YME1L1: variants seen among roughly 807,000 people sequenced by gnomAD.
YME1L1 encodes the protein YME1 like 1 ATPase, also known as ATP-dependent zinc metalloprotease YME1L1.
Under a neutral mutation model 90.4 loss-of-function variants are expected in YME1L1, and 39 were observed. That is an observed-to-expected ratio of 0.43 (90% CI 0.33 to 0.56). YME1L1 has a LOEUF of 0.56. Ranked by LOEUF, YME1L1 falls within the 20% of genes least tolerant of loss-of-function variation. The pLI is 0.03. For synonymous variants in YME1L1, 284 were observed against 287.3 expected (o/e 0.99, Z 0.12); for missense variants, 617 against 868.4 (o/e 0.71, Z 3.64).
chr10:27,118,950 T>C (rs901728541), intron 14 of YME1L1, among the ~76,000 whole-genome samples: 6 of 152,176 alleles, frequency 3.9e-5, no homozygotes, highest in Non-Finnish European at 7.3e-5. Context: ...CAAGTATATA[T>C]TTTCATGTTC....
rs758722386 is a variant in YME1L1 at position 27,121,455 on chromosome 10, T to G, written c.1236-7A>C. The G allele has an allele frequency of 3.6e-5, 57 of 1,577,514 alleles. No individual in the cohort carries two copies. The highest frequency in any genetic ancestry group is 4.8e-5 in the Non-Finnish European group (55 of 1,147,746). On this transcript the variant is annotated splice_region_variant and splice_polypyrimidine_tract_variant and intron_variant, in intron 11 of 18. Transcript: ENST00000376016. ...TCCTTCATTGGGTTTAAAACTATAT[T>G]GGAAAAAAAATAGTATCTTTTACTA...
At chr10:27,134,717 T>C (rs549015922) in intron 6 of YME1L1, 114 bp downstream of exon 6, 3 of 1,048,596 alleles carry the variant, frequency 2.9e-6, no homozygotes, top group South Asian at 1.6e-5. Context: ...GTTACAAATA[T>C]AGTGGAATTT....
intron 3 of YME1L1, among the ~76,000 whole-genome samples, chr10:27,142,709 A>G (rs1192303813): frequency 6.6e-6 from 1 of 152,014 alleles, no homozygotes; most frequent in Non-Finnish European, 1.5e-5. Flanking sequence ...TGGTTACATT[A>G]TTTTTATTTA....
At chr10:27,116,625 C>T (rs2056816002) in intron 15 of YME1L1, among the ~76,000 whole-genome samples, 1 of 152,072 alleles carries the variant, frequency 6.6e-6, no homozygotes, top group African/African-American at 2.4e-5. Flanking sequence ...GAGATCATGC[C>T]ATTGCACTCT....
rs1240758977 is a variant in YME1L1 at position 27,114,522 on chromosome 10, C to T, written c.2006G>A (p.Arg669Lys). Residue 669 changes from arginine (R) to lysine (K), a missense_variant and splice_region_variant, in exon 18 of 19, where the codon AGG becomes AAG. Arg to Lys is a conservative substitution (Grantham distance 26). Transcript: ENST00000376016. ...AATAAGCACAAAAAATATTATTACC[C>T]TTAGAAGGATTCTTATTTCTTGTTC... Reference protein sequence around the residue: ...AIEQEIRILLRDSYERAKHIL... With the variant: ...AIEQEIRILLKDSYERAKHIL... The T allele has an allele frequency of 1.9e-6, 3 of 1,612,036 alleles. No individual in the cohort carries two copies. The highest frequency in any genetic ancestry group is 2.5e-6 in the Non-Finnish European group (3 of 1,178,732).
chr10:27,118,108 G>A (rs2056831823), intron 14 of YME1L1, among the ~76,000 whole-genome samples: 3 of 152,080 alleles, frequency 2.0e-5, no homozygotes, highest in Non-Finnish European at 4.4e-5. Context: ...GATACTGAGA[G>A]GTGAATGTAT....
intron 17 of YME1L1, among the ~76,000 whole-genome samples, 177 bp from the exon 18 acceptor site, chr10:27,114,784 T>C (rs1244386199): frequency 1.3e-5 from 2 of 152,012 alleles, no homozygotes; most frequent in African/African-American, 4.8e-5. Flanking sequence ...TCCTAGGATT[T>C]TGGGAGGCCG....
chr10:27,153,938 G>A (rs949272870), intron 1 of YME1L1, among the ~76,000 whole-genome samples: 9 of 152,030 alleles, frequency 5.9e-5, no homozygotes, highest in Admixed American at 3.3e-4. Context: ...ATAAGCCAGG[G>A]TCTCTCTCTA....
In YME1L1 at chr10:27,145,573, C is replaced by T. The variant is rs1391082221; in HGVS notation, c.186G>A (p.Arg62=). The T allele has an allele frequency of 6.2e-7, 1 of 1,612,320 alleles. No individual in the cohort carries two copies. Among genetic ancestry groups the T allele is most frequent in the African/African-American group, 1.3e-5 (1 of 74,858 alleles). ...TTTTTAGTTCAGATAATCCAAGGTC[C>T]CTTAAGTTAAGTGAAGGCTGTAAAA... ...APSSEPSLNL[R]DLGLSELKIG... is the part of the protein sequence containing the mutation. The change falls in exon 3 of 19, where the codon AGG becomes AGA. Residue 62 remains arginine (R), a synonymous_variant. Coordinates refer to ENST00000376016, the MANE Select transcript of YME1L1 (RefSeq NM_014263.4).
At chr10:27,117,762 G>GA in intron 14 of YME1L1, 35 bp from the exon 15 acceptor site, 1 of 1,599,730 alleles carries the variant, frequency 6.3e-7, no homozygotes, top group Non-Finnish European at 8.6e-7. Context: ...TACTCCATTA[G>GA]AAAGGTATAT....
At chr10:27,137,591 A>G (rs1286533715) in intron 4 of YME1L1, among the ~76,000 whole-genome samples, 1 of 152,166 alleles carries the variant, frequency 6.6e-6, no homozygotes, top group Non-Finnish European at 1.5e-5. Flanking sequence ...TTTTCTTCAT[A>G]TCCTTGCCGA....
At chr10:27,147,090 G>C (rs1245560426) in intron 2 of YME1L1, 1 of 341,512 alleles carries the variant, frequency 2.9e-6, no homozygotes, top group East Asian at 4.7e-5. Context: ...TTCAAGGAAA[G>C]AAAAAATTAA....
chr10:27,126,308 G>A (rs1469387293), intron 9 of YME1L1, among the ~76,000 whole-genome samples: 1 of 151,942 alleles, frequency 6.6e-6, no homozygotes, highest in African/African-American at 2.4e-5. Context: ...CCGGCATGGT[G>A]GTGTGTACCT....
At position 27,122,951 on chromosome 10, in the gene YME1L1, A is replaced by G. The variant is rs989089840; in HGVS notation, c.1125T>C (p.Pro375=). 2 of 1,612,536 alleles carry G rather than the reference A, an allele frequency of 1.2e-6. No homozygotes were observed. Among genetic ancestry groups the G allele is most frequent in the African/African-American group, 2.7e-5 (2 of 74,888 alleles). The change falls in exon 11 of 19, where the codon CCT becomes CCC. Residue 375 remains proline (P), a synonymous_variant. Transcript: ENST00000376016. ...NLFREAKANA[P]CVIFIDELDS... is the part of the protein sequence containing the mutation. The stretch of plus-strand genomic sequence containing the variant: ...CTAATTCATCAATAAATATAACACA[A>G]GGAGCATTCGCCTTTGCTTCCCCTA...
intron 7 of YME1L1, among the ~76,000 whole-genome samples, chr10:27,133,804 A>G (rs1303864812): frequency 6.6e-6 from 1 of 152,168 alleles, no homozygotes; most frequent in Non-Finnish European, 1.5e-5. Context: ...TAATTTTAAA[A>G]TTAATTAATT....
chr10:27,134,868 A>G lies in YME1L1; in HGVS notation c.654T>C (p.Gly218=). The change falls in exon 6 of 19, where the codon GGT becomes GGC. Residue 218 remains glycine (G), a synonymous_variant. Coordinates refer to ENST00000376016, the MANE Select transcript of YME1L1 (RefSeq NM_014263.4). The part of the protein sequence containing the change: ...QDAFKTGFAE[G]FLKAQALTQK... ...GTGTGAGTGCTTGAGCTTTCAGAAAACCTTCCGCAAAACCAGTTTTAAATG... is the reference window on the plus strand; with the variant it reads ...GTGTGAGTGCTTGAGCTTTCAGAAAGCCTTCCGCAAAACCAGTTTTAAATG... 6.2e-7 allele frequency: 1 copy of G among 1,613,952 alleles called. No individual in the cohort carries two copies. Among genetic ancestry groups the G allele is most frequent in the Non-Finnish European group, 8.5e-7 (1 of 1,179,950 alleles).
intron 17 of YME1L1, 80 bp from the exon 18 acceptor site, chr10:27,114,687 A>C (rs1237470260): frequency 1.9e-6 from 2 of 1,030,092 alleles, no homozygotes; most frequent in Non-Finnish European, 1.4e-6. Flanking sequence ...ACTATCCTAT[A>C]TATAAGGAAA....
intron 13 of YME1L1, among the ~76,000 whole-genome samples, 186 bp from the exon 14 acceptor site, chr10:27,119,635 C>G (rs1303592554): frequency 6.6e-6 from 1 of 151,986 alleles, no homozygotes; most frequent in Non-Finnish European, 1.5e-5. Flanking sequence ...ATGGTGAAAC[C>G]CCATCTCTAC....
rs780269919 is a variant in YME1L1, at chr10:27,121,500, A to G, written c.1236-52T>C. ...TTACTAACACTGAAGCACAGCACACATGTAGAAATGCTCTACACAAAACTG... is the reference window on the plus strand; with the variant it reads ...TTACTAACACTGAAGCACAGCACACGTGTAGAAATGCTCTACACAAAACTG... On this transcript the variant is annotated intron_variant, in intron 11 of 18. Transcript: ENST00000376016. 28 of 1,258,904 alleles carry G rather than the reference A, an allele frequency of 2.2e-5. 1 individual carries two copies. The Middle Eastern group carries it at 5.6e-4, about 25-fold the overall frequency. 78.0% of individuals were successfully genotyped at this position (1,258,904 alleles called of 1,614,324 possible).
Sources: allele counts gnomAD v4.1 joint callset (sites outside exome capture counted in the v4.1 genomes callset), GRCh38; gene constraint gnomAD v4.1.1; transcripts MANE v1.5; gene names NCBI Gene and HGNC (gene_info 2026-07-23, HGNC 2026-07-21).